Variants in KIF26B observed in about 807,000 individuals in gnomAD.
The protein encoded by KIF26B is kinesin-like protein KIF26B.
In KIF26B, 63 loss-of-function variants were observed where a neutral mutation model predicts 151.2. That is an observed-to-expected ratio of 0.42 (90% confidence interval 0.34 to 0.51). The LOEUF (loss-of-function observed/expected upper bound fraction) is 0.51. Ranked by LOEUF, KIF26B falls within the 20% of genes least tolerant of loss-of-function variation. KIF26B has a pLI of 0.07. For synonymous variants in KIF26B, 1,357 were observed against 1,262.1 expected, an observed-to-expected ratio of 1.08 and a Z score of -1.59; for missense variants, 2,813 against 2,913.6, an observed-to-expected ratio of 0.97 and a Z score of 0.79.
intron 2 of KIF26B, among the ~76,000 whole-genome samples, chr1:245,326,292 A>T (rs1671990183): frequency 6.6e-6 from 1 of 152,236 alleles, no homozygotes; most frequent in Non-Finnish European, 1.5e-5. Flanking sequence ...ACAAGCCGTT[A>T]GAATATTCCA....
Position 245,687,085 on chromosome 1 carries a change from G to A in KIF26B, c.4102G>A (p.Ala1368Thr), listed in dbSNP as rs2044537112. 3 of 1,613,416 alleles carry A rather than the reference G, an allele frequency of 1.9e-6. No individual in the cohort carries two copies. Among genetic ancestry groups the A allele is most frequent in the Non-Finnish European group, 1.7e-6 (2 of 1,179,826 alleles). ...CTGCAAAATATCCACAGTGAGCAAG[G>A]CCATGGTCACCATCTCCAACACGGC... Reference protein sequence around the residue: ...KGCKISTVSKAMVTISNTANL... With the variant: ...KGCKISTVSKTMVTISNTANL... The change falls in exon 12 of 15, where the codon GCC becomes ACC. Residue 1368 changes from alanine to threonine, a missense_variant. By Grantham distance (58) the Ala-to-Thr change is moderately conservative. Transcript: ENST00000407071. The surrounding 1 kb of genome is among the most constrained non-coding windows in gnomAD (Gnocchi z 4.9).
intron 5 of KIF26B, among the ~76,000 whole-genome samples, chr1:245,569,861 CTTTT>C (rs59682583): frequency 4.3e-5 from 5 of 116,918 alleles, no homozygotes; most frequent in East Asian, 2.5e-4. Flanking sequence ...TTTGGGCCTT[CTTTT>C]TTTTTTTTTT....
chr1:245,239,062 G>C lies in KIF26B; in HGVS notation c.465+82379G>C, dbSNP rs971619694. On this transcript the variant is annotated intron_variant, in intron 2 of 14. Transcript: ENST00000407071. This position sits in a 1 kb window ranked among gnomAD's most constrained non-coding sequence, Gnocchi z 4.3. ...TTTCGTTTTCCACCATCTACTGCAA[G>C]AGTTGTATTTTCTGCCTCACGTCGC... 1.3e-5 allele frequency among the ~76,000 whole-genome samples: 2 copies of C among 152,156 alleles called. No individual in the cohort carries two copies. Among genetic ancestry groups the C allele is most frequent in the Non-Finnish European group, 2.9e-5 (2 of 68,026 alleles).
chr1:245,367,668 C>T lies in KIF26B; in HGVS notation c.999+301C>T, dbSNP rs1672994933. ...TGGTCCAGGTGATGCCAGCGACTTC[C>T]CAGCCAGCAGATTTACCACATGGCA... On this transcript the variant is annotated intron_variant, in intron 3 of 14. Coordinates refer to ENST00000407071, the MANE Select transcript of KIF26B (RefSeq NM_018012.4). This position sits in a 1 kb window ranked among gnomAD's most constrained non-coding sequence, Gnocchi z 4.2. 1.3e-5 allele frequency among the ~76,000 whole-genome samples: 2 copies of T among 152,200 alleles called. No individual in the cohort carries two copies. Among genetic ancestry groups the T allele is most frequent in the Admixed American group, 1.3e-4 (2 of 15,278 alleles).
chr1:245,219,304 A>G (rs999465562), intron 2 of KIF26B, among the ~76,000 whole-genome samples: 6 of 151,564 alleles, frequency 4.0e-5, no homozygotes, highest in Non-Finnish European at 7.4e-5. Flanking sequence ...ACGCGCAGCT[A>G]ATTTTTTAGT....
chr1:245,439,346 C>CAAA (rs777808376), intron 4 of KIF26B, among the ~76,000 whole-genome samples: 1 of 131,722 alleles, frequency 7.6e-6, no homozygotes, highest in Non-Finnish European at 1.6e-5. Context: ...GACCCTGTCT[C>CAAA]AAAAAAAAAA....
At position 245,375,368 on chromosome 1, in the gene KIF26B, C is replaced by T. The variant is rs1324403669; in HGVS notation, c.999+8001C>T. The stretch of plus-strand genomic sequence containing the variant: ...CTGGGATTACAGGTATGAACCACCA[C>T]ATCCGGCCAAGGAGATCATTTTAGA... On this transcript the variant is annotated intron_variant, in intron 3 of 14. Coordinates refer to ENST00000407071, the MANE Select transcript of KIF26B (RefSeq NM_018012.4). The surrounding 1 kb of genome is among the most constrained non-coding windows in gnomAD (Gnocchi z 4.2). Among the ~76,000 whole-genome samples, 2 of 152,146 alleles carry T rather than the reference C, an allele frequency of 1.3e-5. No individual in the cohort carries two copies. Among genetic ancestry groups the T allele is most frequent in the Non-Finnish European group, 2.9e-5 (2 of 68,030 alleles).
chr1:245,287,494 C>CTTTTTTTTTTTTTTT (rs1157634485), intron 2 of KIF26B, among the ~76,000 whole-genome samples: 1 of 113,172 alleles, frequency 8.8e-6, no homozygotes. Flanking sequence ...TCATCTCTCT[C>CTTTTTTTTTTTTTTT]TCTCTTTTTT....
At chr1:245,191,466 ACT>A (rs1047794405) in intron 2 of KIF26B, among the ~76,000 whole-genome samples, 6 of 152,126 alleles carry the variant, frequency 3.9e-5, no homozygotes, top group Non-Finnish European at 5.9e-5. Flanking sequence ...TAAGAGTGAA[ACT>A]CTTGTCTCAA....
intron 3 of KIF26B, among the ~76,000 whole-genome samples, chr1:245,369,582 G>A (rs1673058774): frequency 6.6e-6 from 1 of 152,204 alleles, no homozygotes; most frequent in Non-Finnish European, 1.5e-5. Flanking sequence ...TGAGGTAGGT[G>A]GGGCAGGTGT....
At chr1:245,581,723 C>T (rs2043176099) in intron 5 of KIF26B, among the ~76,000 whole-genome samples, 1 of 152,098 alleles carries the variant, frequency 6.6e-6, no homozygotes, top group African/African-American at 2.4e-5. Flanking sequence ...CTTTGTATAT[C>T]ACTTTACCTT....
intron 2 of KIF26B, among the ~76,000 whole-genome samples, chr1:245,198,274 C>A (rs992405405): frequency 1.3e-5 from 2 of 152,220 alleles, no homozygotes; most frequent in Non-Finnish European, 2.9e-5. Flanking sequence ...TCAGTACTTA[C>A]TATGCTATGT....
intron 12 of KIF26B, among the ~76,000 whole-genome samples, chr1:245,694,315 G>T (rs992014409): frequency 5.9e-5 from 9 of 152,200 alleles, no homozygotes; most frequent in African/African-American, 1.4e-4. Context: ...GATATCTACA[G>T]TTCCTTTCAA....
chr1:245,590,866 C>T (rs1243276894), intron 5 of KIF26B, among the ~76,000 whole-genome samples: 1 of 148,226 alleles, frequency 6.7e-6, no homozygotes, highest in Non-Finnish European at 1.5e-5. Context: ...AGAGCTCACA[C>T]CAGTGCACTC....
At chr1:245,347,514 G>C (rs150733887) in intron 2 of KIF26B, among the ~76,000 whole-genome samples, 1,746 of 152,072 alleles carry the variant, frequency 0.011, 28 homozygotes, top group African/African-American at 0.035. Context: ...GAGAGATGGG[G>C]TCTTGCTACA....
intron 2 of KIF26B, among the ~76,000 whole-genome samples, chr1:245,346,858 C>G (rs1027060849): frequency 1.3e-5 from 2 of 152,188 alleles, no homozygotes; most frequent in African/African-American, 4.8e-5. Flanking sequence ...TCCATCCATC[C>G]TATCATCTTT....
chr1:245,226,984 G>A (rs1669889294), intron 2 of KIF26B, among the ~76,000 whole-genome samples: 1 of 152,174 alleles, frequency 6.6e-6, no homozygotes, highest in Non-Finnish European at 1.5e-5. Flanking sequence ...TGCTTTGTCA[G>A]GCAGCATCTT....
intron 3 of KIF26B, among the ~76,000 whole-genome samples, chr1:245,400,454 C>T (rs1673968774): frequency 6.6e-6 from 1 of 151,606 alleles, no homozygotes; most frequent in Non-Finnish European, 1.5e-5. Flanking sequence ...GGGATGTATG[C>T]CCACAGGGCA....
In KIF26B at chr1:245,686,008, C is replaced by T. The variant is rs2044510514; in HGVS notation, c.3025C>T (p.Pro1009Ser). 3 of 1,590,628 alleles carry T rather than the reference C, an allele frequency of 1.9e-6. No individual in the cohort carries two copies. In the East Asian group the frequency reaches 6.9e-5, roughly 37 times the overall value. ...GATGCAGAGGAGTCACTCACCTGTG[C>T]CCGCCGCGGCACCCGCCCACAGCCC... is the stretch of plus-strand genomic sequence containing the variant. ...SKMQRSHSPV[P>S]AAAPAHSPSP... Residue 1009 changes from proline (P) to serine (S), a missense_variant, in exon 12 of 15, where the codon CCC becomes TCC. Pro to Ser is a moderately conservative substitution (Grantham distance 74). Coordinates refer to ENST00000407071, the MANE Select transcript of KIF26B (RefSeq NM_018012.4). The surrounding 1 kb of genome is among the most constrained non-coding windows in gnomAD (Gnocchi z 5.6).
Sources: allele counts gnomAD v4.1 joint callset (sites outside exome capture counted in the v4.1 genomes callset), GRCh38; gene constraint gnomAD v4.1.1; non-coding constraint Gnocchi (gnomAD v3.1); transcripts MANE v1.5; gene names NCBI Gene and HGNC (gene_info 2026-07-23, HGNC 2026-07-21).